OPCML: variants seen among roughly 807,000 people sequenced by gnomAD.
OPCML encodes the protein opioid-binding protein/cell adhesion molecule.
A neutral mutation model predicts 37.8 loss-of-function variants in OPCML; 13 were observed. The observed-to-expected ratio is 0.34, with a 90% CI of 0.22 to 0.55. OPCML has a LOEUF of 0.55. OPCML is among the 20% of genes least tolerant of loss of function. The pLI, the probability that OPCML is intolerant of heterozygous loss-of-function variation, is 0.91. For missense variants in OPCML, 341 were observed against 435.6 expected (o/e 0.78, Z 1.93); for synonymous variants, 176 against 168.8 (o/e 1.04, Z -0.33).
intron 1 of OPCML, among the ~76,000 whole-genome samples, chr11:133,294,142 A>G (rs544812015): frequency 1.3e-5 from 2 of 152,158 alleles, no homozygotes; most frequent in South Asian, 2.1e-4. Context: ...CTGTGGGTCC[A>G]TGTGGTACCA....
intron 1 of OPCML, among the ~76,000 whole-genome samples, chr11:133,407,917 A>G (rs1403765644): frequency 2.6e-5 from 4 of 152,268 alleles, no homozygotes; most frequent in African/African-American, 9.6e-5. Flanking sequence ...ATAAACTCCA[A>G]GCTCTCCCCT....
At chr11:133,207,540 C>G (rs1022204118) in intron 1 of OPCML, among the ~76,000 whole-genome samples, 29 of 152,176 alleles carry the variant, frequency 1.9e-4, no homozygotes, top group African/African-American at 6.5e-4. Flanking sequence ...ACAATTCGCT[C>G]TGTCACTAAG....
At chr11:132,427,954 G>C (rs528663209) in intron 7 of OPCML, among the ~76,000 whole-genome samples, 1 of 152,218 alleles carries the variant, frequency 6.6e-6, no homozygotes, top group Non-Finnish European at 1.5e-5. Context: ...AAAAGCAATG[G>C]TGTTTCTCTC....
rs144990635 is a variant in OPCML, at chr11:133,230,369, A to G, written c.62-287359T>C. Among the ~76,000 whole-genome samples, 13 of 151,200 alleles carry G rather than the reference A, an allele frequency of 8.6e-5. No individual in the cohort carries two copies. In the East Asian group the frequency reaches 2.5e-3, roughly 29 times the overall value. Reference sequence around the variant, plus strand: ...TTGTGGCAAAGGCATTCACCCTCCCACTCCTATGGTCAAGGCGAGGTGCTG... The same window carrying G: ...TTGTGGCAAAGGCATTCACCCTCCCGCTCCTATGGTCAAGGCGAGGTGCTG... On this transcript the variant is annotated intron_variant, in intron 1 of 7. Transcript: ENST00000524381.
chr11:133,228,680 G>A (rs1323772642), intron 1 of OPCML, among the ~76,000 whole-genome samples: 5 of 152,250 alleles, frequency 3.3e-5, no homozygotes, highest in Non-Finnish European at 7.3e-5. Flanking sequence ...CAGGCAGCTT[G>A]GGGCCTCCCA....
intron 3 of OPCML, among the ~76,000 whole-genome samples, chr11:132,534,537 G>A (rs1040695016): frequency 6.6e-6 from 1 of 152,160 alleles, no homozygotes; most frequent in African/African-American, 2.4e-5. Context: ...GATGAAACAT[G>A]TCTTTCTGTA....
intron 2 of OPCML, among the ~76,000 whole-genome samples, chr11:132,787,008 G>A (rs912982349): frequency 2.6e-5 from 4 of 152,154 alleles, no homozygotes; most frequent in African/African-American, 9.6e-5. Context: ...CAGAAGGCCT[G>A]TCAAACACAG....
intron 2 of OPCML, among the ~76,000 whole-genome samples, chr11:132,709,451 G>GT (rs1169195127): frequency 6.6e-5 from 10 of 152,126 alleles, no homozygotes; most frequent in African/African-American, 2.4e-4. Context: ...GATTTCCTTA[G>GT]TTTTTCCACT....
intron 2 of OPCML, among the ~76,000 whole-genome samples, chr11:132,915,117 C>G (rs1374347692): frequency 6.6e-6 from 1 of 152,188 alleles, no homozygotes; most frequent in Non-Finnish European, 1.5e-5. Context: ...GTATACAGAA[C>G]ATGTGTATCC....
intron 2 of OPCML, among the ~76,000 whole-genome samples, chr11:132,871,212 T>TA (rs1942782843): frequency 6.9e-6 from 1 of 144,858 alleles, no homozygotes; most frequent in South Asian, 2.2e-4. Context: ...TTAACTTAAT[T>TA]TAAAAAAAAA....
At chr11:133,373,949 A>C (rs1372526938) in intron 1 of OPCML, among the ~76,000 whole-genome samples, 1 of 152,222 alleles carries the variant, frequency 6.6e-6, no homozygotes, top group Non-Finnish European at 1.5e-5. Context: ...TGATGTGCAG[A>C]TTACTTAAAA....
intron 1 of OPCML, among the ~76,000 whole-genome samples, chr11:133,082,949 G>A (rs1322784626): frequency 2.5e-4 from 38 of 150,716 alleles, no homozygotes; most frequent in Admixed American, 9.9e-4. Flanking sequence ...TCGCGCCAGT[G>A]CCTCGCCGGG....
At position 133,188,949 on chromosome 11, in the gene OPCML, C is replaced by T. The variant is rs11602576; in HGVS notation, c.62-245939G>A. Among the ~76,000 whole-genome samples the T allele has an allele frequency of 5.8e-3, 878 of 152,230 alleles. 4 individuals carry two copies. Among genetic ancestry groups the T allele is most frequent in the Non-Finnish European group, 9.7e-3 (658 of 68,012 alleles). ...TACTACTAGCCAGGTGATATCACCACTTATATTTTCAAAGATATCCCAGTA... is the reference window on the plus strand; with the variant it reads ...TACTACTAGCCAGGTGATATCACCATTTATATTTTCAAAGATATCCCAGTA... On this transcript the variant is annotated intron_variant, in intron 1 of 7. Coordinates refer to ENST00000524381, the MANE Select transcript of OPCML (RefSeq NM_001012393.5).
intron 2 of OPCML, among the ~76,000 whole-genome samples, chr11:132,813,710 C>A (rs565594197): frequency 1.3e-5 from 2 of 152,306 alleles, no homozygotes; most frequent in Admixed American, 6.5e-5. Flanking sequence ...TATCCCTCAT[C>A]ATTGCCTCTG....
intron 2 of OPCML, among the ~76,000 whole-genome samples, chr11:132,731,672 T>C (rs1945080420): frequency 6.6e-6 from 1 of 152,112 alleles, no homozygotes; most frequent in Non-Finnish European, 1.5e-5. Flanking sequence ...CTAACTATGA[T>C]GGGGAATTAA....
chr11:133,136,772 A>G (rs1295120558), intron 1 of OPCML, among the ~76,000 whole-genome samples: 1 of 151,304 alleles, frequency 6.6e-6, no homozygotes, highest in Non-Finnish European at 1.5e-5. Flanking sequence ...ATTTCGAAGA[A>G]CCTAAAATGT....
intron 4 of OPCML, among the ~76,000 whole-genome samples, chr11:132,463,002 T>C (rs906262153): frequency 6.6e-6 from 1 of 152,202 alleles, no homozygotes; most frequent in African/African-American, 2.4e-5. Context: ...TCAGAAGTGA[T>C]AGAACTTCTC....
chr11:132,715,290 T>C (rs1433434916), intron 2 of OPCML, among the ~76,000 whole-genome samples: 1 of 152,230 alleles, frequency 6.6e-6, no homozygotes, highest in African/African-American at 2.4e-5. Flanking sequence ...CCAAGTGTCA[T>C]ATTAAATGCT....
intron 1 of OPCML, among the ~76,000 whole-genome samples, chr11:133,458,906 C>CAT (rs962582680): frequency 8.6e-5 from 13 of 150,292 alleles, no homozygotes; most frequent in South Asian, 6.3e-4. Context: ...TATATATACA[C>CAT]ATATATATAT....
Sources: allele counts gnomAD v4.1 joint callset (sites outside exome capture counted in the v4.1 genomes callset), GRCh38; gene constraint gnomAD v4.1.1; transcripts MANE v1.5; gene names NCBI Gene and HGNC (gene_info 2026-07-23, HGNC 2026-07-21).